Variants in TMEM161B observed in about 807,000 individuals in gnomAD.
TMEM161B encodes the protein transmembrane protein 161B.
Under a neutral mutation model 61.8 loss-of-function variants are expected in TMEM161B, and 34 were observed. The observed-to-expected ratio is 0.55, with a 90% CI of 0.42 to 0.73. The LOEUF is 0.73. Among genes scored for constraint, TMEM161B ranks in the 30% least tolerant of loss-of-function variants. The pLI, the probability that TMEM161B is intolerant of heterozygous loss-of-function variation, is 0.00. For missense variants in TMEM161B, 456 were observed against 558.5 expected (o/e 0.82, Z 1.85); for synonymous variants, 167 against 192.8 (o/e 0.87, Z 1.11).
intron 4 of TMEM161B, chr5:88,221,680 C>A (rs1561355471): frequency 2.2e-6 from 1 of 455,876 alleles, no homozygotes. Flanking sequence ...TCACCCTTTG[C>A]ATCTCAGGTG....
intron 1 of TMEM161B, chr5:88,259,213 T>C (rs1437468933): frequency 2.6e-5 from 4 of 152,150 alleles, no homozygotes; most frequent in African/African-American, 9.7e-5. Context: ...CTGTGATAAG[T>C]AAGTAAATAA....
intron 2 of TMEM161B, among the ~76,000 whole-genome samples, chr5:88,238,178 T>G (rs1366317155): frequency 1.3e-5 from 2 of 152,098 alleles, no homozygotes; most frequent in Non-Finnish European, 2.9e-5. Context: ...TAACTTAAAC[T>G]TGTATTTTTT....
At chr5:88,197,255 C>T (rs987053949) in intron 11 of TMEM161B, among the ~76,000 whole-genome samples, 2 of 152,052 alleles carry the variant, frequency 1.3e-5, no homozygotes, top group Non-Finnish European at 2.9e-5. Flanking sequence ...TTCACCGTTT[C>T]GATGTAAGTT....
intron 2 of TMEM161B, among the ~76,000 whole-genome samples, chr5:88,229,411 TTC>T (rs1750600241): frequency 6.6e-6 from 1 of 151,964 alleles, no homozygotes; most frequent in Non-Finnish European, 1.5e-5. Flanking sequence ...TACTGCAAAA[TTC>T]TCTCACTGGT....
chr5:88,266,319 T>TTG (rs1415810362), intron 1 of TMEM161B, among the ~76,000 whole-genome samples: 4 of 152,044 alleles, frequency 2.6e-5, no homozygotes, highest in Non-Finnish European at 5.9e-5. Flanking sequence ...CTTGGCCAAA[T>TTG]ATACAAAGAT....
intron 8 of TMEM161B, among the ~76,000 whole-genome samples, chr5:88,203,750 CATATATATATATATAT>C (rs35091076): frequency 5.2e-4 from 49 of 93,768 alleles, no homozygotes; most frequent in African/African-American, 1.2e-3. Flanking sequence ...ATTTCCCTAT[CATATATATATATATAT>C]ATATATATAT....
intron 1 of TMEM161B, among the ~76,000 whole-genome samples, chr5:88,242,189 TCTCA>T (rs566422444): frequency 1.3e-3 from 201 of 151,830 alleles, no homozygotes; most frequent in Middle Eastern, 3.4e-3. Context: ...CAAGACTTGT[TCTCA>T]CTGTTTCCAT....
At chr5:88,237,161 G>C (rs760650472) in intron 2 of TMEM161B, among the ~76,000 whole-genome samples, 1 of 152,028 alleles carries the variant, frequency 6.6e-6, no homozygotes, top group Non-Finnish European at 1.5e-5. Context: ...TATCACCTAT[G>C]GCAGAAAGTA....
downstream of TMEM161B, among the ~76,000 whole-genome samples, chr5:88,186,407 C>T (rs975727696): frequency 2.0e-5 from 3 of 152,130 alleles, no homozygotes. Context: ...TCATCATAAT[C>T]GAATTGCTAG....
At chr5:88,188,949 A>G (rs1440375813), downstream of TMEM161B, among the ~76,000 whole-genome samples, 1 of 152,164 alleles carries the variant, frequency 6.6e-6, no homozygotes, top group Non-Finnish European at 1.5e-5. Context: ...GACAGGAGAC[A>G]GTAAGAGAAA....
At chr5:88,258,313 T>A (rs1379570882) in intron 1 of TMEM161B, among the ~76,000 whole-genome samples, 1 of 152,176 alleles carries the variant, frequency 6.6e-6, no homozygotes, top group Admixed American at 6.5e-5. Flanking sequence ...GACTGCTATA[T>A]TCGACACGCA....
At chr5:88,223,139 T>TC (rs1487058999) in intron 4 of TMEM161B, among the ~76,000 whole-genome samples, 1 of 151,574 alleles carries the variant, frequency 6.6e-6, no homozygotes, top group East Asian at 1.9e-4. Context: ...TCATTTTTTT[T>TC]TTTTAGTTCG....
At chr5:88,225,053 C>T (rs891128976) in intron 4 of TMEM161B, among the ~76,000 whole-genome samples, 3 of 150,220 alleles carry the variant, frequency 2.0e-5, no homozygotes, top group Non-Finnish European at 4.4e-5. Context: ...CTGCAACCTC[C>T]GCCTCCCGGG....
At chr5:88,186,197 A>G (rs926527200), downstream of TMEM161B, among the ~76,000 whole-genome samples, 12 of 152,360 alleles carry the variant, frequency 7.9e-5, no homozygotes, top group African/African-American at 2.6e-4. Context: ...TTTTAAGAAT[A>G]TAACACCCTT....
Position 88,197,689 on chromosome 5 carries a change from G to A in TMEM161B, c.1166C>T (p.Thr389Ile), listed in dbSNP as rs1749911638. ...CCTACCTAGTGTTTTCAAAAGCAGA[G>A]TTGTGTGAAGCAGCATTACCAGAGG... ...VAPLVMLLHT[T>I]LLLKTLGNHS... The change falls in exon 11 of 12, where the codon ACT becomes ATT. Residue 389 changes from threonine (T) to isoleucine (I), a missense_variant. Around this residue, in one of 3 missense-constraint regions of TMEM161B, gnomAD observed 367 missense variants for 427.3 expected, o/e 0.86. Coordinates refer to ENST00000296595, the MANE Select transcript of TMEM161B (RefSeq NM_153354.5). 6.2e-7 allele frequency: 1 copy of A among 1,612,778 alleles called. No homozygotes were observed. The highest frequency in any genetic ancestry group is 8.5e-7 in the Non-Finnish European group (1 of 1,179,112).
At chr5:88,229,489 GTT>G (rs11368125) in intron 2 of TMEM161B, among the ~76,000 whole-genome samples, 1,908 of 143,112 alleles carry the variant, frequency 0.013, 39 homozygotes, top group African/African-American at 0.04. Context: ...CTAGTTATTG[GTT>G]TTTTTTTTTT....
chr5:88,263,647 C>G (rs182208092), intron 1 of TMEM161B, among the ~76,000 whole-genome samples: 60 of 152,280 alleles, frequency 3.9e-4, no homozygotes, highest in African/African-American at 1.4e-3. Context: ...TAACAACAGT[C>G]AGAAAATAAT....
intron 1 of TMEM161B, among the ~76,000 whole-genome samples, chr5:88,252,763 C>A (rs949086437): frequency 6.6e-6 from 1 of 152,182 alleles, no homozygotes; most frequent in African/African-American, 2.4e-5. Context: ...GAACACACGG[C>A]AAATAGGCTT....
chr5:88,217,732 T>C lies in TMEM161B; in HGVS notation c.446+2831A>G, dbSNP rs184439461. The stretch of plus-strand genomic sequence containing the variant: ...AAAAAGATAATCTCTGGCCTACCCA[T>C]ATGATTCAGCAACTTACCTCACCAT... On this transcript the variant is annotated intron_variant, in intron 5 of 11. Coordinates refer to ENST00000296595, the MANE Select transcript of TMEM161B (RefSeq NM_153354.5). Among the ~76,000 whole-genome samples the C allele has an allele frequency of 5.6e-4, 85 of 152,260 alleles. 1 individual carries two copies. The highest frequency in any genetic ancestry group is 1.9e-3 in the African/African-American group (78 of 41,544).
Sources: allele counts gnomAD v4.1 joint callset (sites outside exome capture counted in the v4.1 genomes callset), GRCh38; gene constraint gnomAD v4.1.1; regional missense constraint gnomAD v4.1.1; transcripts MANE v1.5; gene names NCBI Gene and HGNC (gene_info 2026-07-23, HGNC 2026-07-21).